LAMA3: variants seen among roughly 807,000 people sequenced by gnomAD.
LAMA3 encodes the protein laminin subunit alpha-3.
LAMA3 carries 281 observed loss-of-function variants against 402.0 expected under a neutral mutation model. That is an observed-to-expected ratio of 0.70 (90% CI 0.63 to 0.77). LAMA3 has a LOEUF of 0.77. Ranked by LOEUF, LAMA3 falls within the 30% of genes least tolerant of loss-of-function variation. The probability of loss-of-function intolerance (pLI) is 0.00; values close to 1 mark genes in which losing one functional copy is unlikely to be tolerated. For synonymous variants in LAMA3, 1,431 were observed against 1,558.4 expected (o/e 0.92, Z 1.93); for missense variants, 3,840 against 4,215.5 (o/e 0.91, Z 2.47).
intron 2 of LAMA3, among the ~76,000 whole-genome samples, chr18:23,715,286 TA>T (rs113341834): frequency 3.2e-4 from 45 of 138,920 alleles, no homozygotes; most frequent in East Asian, 2.1e-3. Context: ...ATAAAACTGT[TA>T]AAAAAAAAAG....
At chr18:23,730,368 C>CTTTTTTT (rs11362144) in intron 2 of LAMA3, among the ~76,000 whole-genome samples, 1 of 118,652 alleles carries the variant, frequency 8.4e-6, no homozygotes, top group African/African-American at 2.9e-5. Context: ...CTTTTTCTTT[C>CTTTTTTT]TTTTTTTTTT....
intron 29 of LAMA3, among the ~76,000 whole-genome samples, chr18:23,844,319 G>C (rs946810749): frequency 6.6e-6 from 1 of 152,182 alleles, no homozygotes; most frequent in African/African-American, 2.4e-5. Context: ...TATGATGAAA[G>C]CTCTAAGGAC....
At chr18:23,824,808 A>C (rs181458216) in intron 21 of LAMA3, among the ~76,000 whole-genome samples, 4 of 152,190 alleles carry the variant, frequency 2.6e-5, no homozygotes, top group Non-Finnish European at 5.9e-5. Context: ...AAAAAAATAA[A>C]AGATAAAAAA....
chr18:23,835,198 C>T lies in LAMA3; in HGVS notation c.2984+1210C>T, dbSNP rs1051094882. On this transcript the variant is annotated intron_variant, in intron 24 of 74. Coordinates refer to ENST00000313654, the MANE Select transcript of LAMA3 (RefSeq NM_198129.4). ...GCCTGGACCAGGGCTTCTCCATACC[C>T]ATTTGTCCACGCCCACCCACCAGTT... is the stretch of plus-strand genomic sequence containing the variant. Among the ~76,000 whole-genome samples, 8 of 152,324 alleles carry T rather than the reference C, an allele frequency of 5.3e-5. No homozygotes were observed. The South Asian group carries it at 1.7e-3, about 32-fold the overall frequency.
At chr18:23,876,601 A>T (rs1414640941) in intron 39 of LAMA3, among the ~76,000 whole-genome samples, 194 bp downstream of exon 39, 2 of 152,238 alleles carry the variant, frequency 1.3e-5, no homozygotes, top group East Asian at 3.8e-4. Context: ...AACATGCACC[A>T]TTAAAAGAGC....
At chr18:23,819,034 T>A (rs1337616890) in intron 18 of LAMA3, among the ~76,000 whole-genome samples, 2 of 152,242 alleles carry the variant, frequency 1.3e-5, no homozygotes, top group Non-Finnish European at 2.9e-5. Flanking sequence ...AGGATCTTTG[T>A]AAATTGCTTC....
At chr18:23,780,589 C>T (rs1310457476) in intron 11 of LAMA3, among the ~76,000 whole-genome samples, 1 of 152,036 alleles carries the variant, frequency 6.6e-6, no homozygotes, top group African/African-American at 2.4e-5. Flanking sequence ...AAGACCTGAG[C>T]GGGCAGCCAG....
rs748677815 is a variant in LAMA3, at chr18:23,907,549, G to C, written c.6719-1G>C. 6.2e-7 allele frequency: 1 copy of C among 1,603,658 alleles called. No homozygotes were observed. The highest frequency in any genetic ancestry group is 8.5e-7 in the Non-Finnish European group (1 of 1,170,772). The stretch of plus-strand genomic sequence containing the variant: ...CCTCCTGATGCTTTATTTTATTTTA[G>C]AAGTCAGTCCAGCTCTCAACAACCT... On this transcript the variant is annotated splice_acceptor_variant, in intron 52 of 74. Coordinates refer to ENST00000313654, the MANE Select transcript of LAMA3 (RefSeq NM_198129.4). LOFTEE classifies it high-confidence loss of function.
At chr18:23,912,931 G>C in intron 56 of LAMA3, 50 bp downstream of exon 56, 3 of 1,551,184 alleles carry the variant, frequency 1.9e-6, no homozygotes, top group Non-Finnish European at 2.7e-6. Flanking sequence ...TGTTTTTCGA[G>C]AGGTGTGCTT....
intron 40 of LAMA3, among the ~76,000 whole-genome samples, chr18:23,884,055 TG>T (rs1568296309): frequency 7.7e-5 from 6 of 77,826 alleles, no homozygotes; most frequent in Admixed American, 1.7e-4. Flanking sequence ...TTGGTGTGTG[TG>T]TGTGTGTGTG....
chr18:23,915,446 A>C, intron 59 of LAMA3, 24 bp downstream of exon 59: 1 of 1,607,640 alleles, frequency 6.2e-7, no homozygotes, highest in Non-Finnish European at 8.5e-7. Flanking sequence ...AGAAACCAGA[A>C]ACTCTGTAAC....
rs2083062123 is a variant in LAMA3, at chr18:23,954,992, TTAAGAA to T, written c.*347_*352del. ...AAAATTAAATATATTTTAAAGCACTTTAAGAATATGAAACTTTCATATATGTTAAAG... is the reference window on the plus strand; with the variant it reads ...AAAATTAAATATATTTTAAAGCACTTTATGAAACTTTCATATATGTTAAAG... On this transcript the variant is annotated 3_prime_UTR_variant, in exon 75 of 75. Transcript: ENST00000313654. The T allele has an allele frequency of 3.4e-6, 1 of 298,230 alleles. No homozygotes were observed. The highest frequency in any genetic ancestry group is 2.2e-5 in the African/African-American group (1 of 45,420). 18.5% of individuals were successfully genotyped at this position (298,230 alleles called of 1,614,324 possible).
rs2061708448 is a variant in LAMA3, at chr18:23,749,524, T to C, written c.662T>C (p.Ile221Thr). The change falls in exon 4 of 75, where the codon ATT (isoleucine) becomes ACT (threonine). Residue 221 changes from isoleucine to threonine, a missense_variant. This residue lies in a region of LAMA3 where 2,109 missense variants were observed against 2,376.0 expected (regional missense o/e 0.89). Coordinates refer to ENST00000313654, the MANE Select transcript of LAMA3 (RefSeq NM_198129.4). ...CTTTGTGTTACTGAATATTCCCGTA[T>C]TGTACCTTTGGAAAATGGTGAGGTA... is the stretch of plus-strand genomic sequence containing the variant. ...DVLCVTEYSR[I>T]VPLENGEVVV... is the part of the protein sequence containing the mutation. 1 of 1,604,608 alleles carries C rather than the reference T, an allele frequency of 6.2e-7. No individual in the cohort carries two copies. The highest frequency in any genetic ancestry group is 1.3e-5 in the African/African-American group (1 of 74,742).
At chr18:23,834,902 T>G (rs1293246394) in intron 24 of LAMA3, 1 of 152,234 alleles carries the variant, frequency 6.6e-6, no homozygotes, top group Non-Finnish European at 1.5e-5. Flanking sequence ...ATGAAATGGC[T>G]ATTGAATCAA....
chr18:23,742,015 G>A (rs1221347588), intron 2 of LAMA3, among the ~76,000 whole-genome samples: 4 of 152,316 alleles, frequency 2.6e-5, no homozygotes, highest in Non-Finnish European at 4.4e-5. Flanking sequence ...CCAGCTACTA[G>A]GGAGGCTGAG....
At chr18:23,854,410 GTT>G in intron 32 of LAMA3, among the ~76,000 whole-genome samples, 1 of 152,218 alleles carries the variant, frequency 6.6e-6, no homozygotes, top group Non-Finnish European at 1.5e-5. Flanking sequence ...GGGAGGCCAA[GTT>G]GGGTGGATAA....
intron 47 of LAMA3, chr18:23,899,739 T>C (rs2081005068): frequency 2.9e-6 from 1 of 350,508 alleles, no homozygotes; most frequent in Non-Finnish European, 5.4e-6. Flanking sequence ...ATTTTTCTGA[T>C]GCTTATTCAC....
At chr18:23,759,545 G>A (rs956501505) in intron 7 of LAMA3, among the ~76,000 whole-genome samples, 1 of 152,068 alleles carries the variant, frequency 6.6e-6, no homozygotes, top group Non-Finnish European at 1.5e-5. Flanking sequence ...ACAGACACCT[G>A]CCACCATACC....
intron 12 of LAMA3, among the ~76,000 whole-genome samples, chr18:23,803,247 G>C (rs891456323): frequency 6.6e-6 from 1 of 152,164 alleles, no homozygotes; most frequent in African/African-American, 2.4e-5. Context: ...CCTGCCACCA[G>C]GTAGCCAGCT....
Sources: gnomAD v4.1 joint callset for allele counts (sites outside exome capture counted in the v4.1 genomes callset) on GRCh38, gnomAD v4.1.1 for gene constraint, gnomAD v4.1.1 regional missense constraint, MANE v1.5 for transcripts, NCBI Gene and HGNC (gene_info 2026-07-23, HGNC 2026-07-21) for gene names.